The following C3orf49 variants were observed in gnomAD, a reference collection of about 807,000 sequenced individuals.
C3orf49 encodes the protein putative uncharacterized protein C3orf49.
C3orf49 carries 27 observed loss-of-function variants against 13.3 expected under a neutral mutation model. The ratio of observed to expected loss-of-function variants is 2.02; its 90% CI spans 1.49 to 2.79. The LOEUF is 2.79. C3orf49 is among the 30% of genes most tolerant of loss of function. C3orf49 has a pLI of 0.00. For synonymous variants in C3orf49, 87 were observed against 47.6 expected (o/e 1.83, Z -3.40); for missense variants, 242 against 134.2 (o/e 1.80, Z -3.97).
chr3:63,839,784 G>A (rs2107126526), intron 5 of C3orf49: 1 of 1,608,434 alleles, frequency 6.2e-7, no homozygotes, highest in East Asian at 2.2e-5. Context: ...CTGCAGGAAA[G>A]AAGGGCAATG....
chr3:63,831,890 T>C, intron 5 of C3orf49, 46 bp downstream of exon 5: 3 of 683,896 alleles, frequency 4.4e-6, no homozygotes, highest in Non-Finnish European at 8.0e-6. Context: ...TTGTTCCTGA[T>C]TCTTTAAAAG....
chr3:63,787,647 C>T, the C3orf49 span, among the ~76,000 whole-genome samples: 1 of 152,110 alleles, frequency 6.6e-6, no homozygotes, highest in African/African-American at 2.4e-5. Flanking sequence ...GGGAAAGCCA[C>T]CGAAATGAAA....
intron 1 of C3orf49, 37 bp downstream of exon 1, chr3:63,819,633 G>T: frequency 1.4e-6 from 1 of 702,690 alleles, no homozygotes; most frequent in Non-Finnish European, 2.6e-6. Flanking sequence ...TCAAATGAGA[G>T]TCTTTGGGTT....
At chr3:63,782,884 A>T in the C3orf49 span, 1 of 152,234 alleles carries the variant, frequency 6.6e-6, no homozygotes, top group Non-Finnish European at 1.5e-5. Flanking sequence ...AAACAGACAC[A>T]TGCAAAGGAG....
intron 2 of C3orf49, chr3:63,827,101 T>C (rs924159167): frequency 6.6e-6 from 1 of 152,418 alleles, no homozygotes; most frequent in South Asian, 2.1e-4. Context: ...TATAAATACA[T>C]TTATGGAGTT....
At chr3:63,840,983 T>C (rs1324806527) in intron 5 of C3orf49, among the ~76,000 whole-genome samples, 3 of 152,224 alleles carry the variant, frequency 2.0e-5, no homozygotes, top group Non-Finnish European at 4.4e-5. Context: ...CATAAAGGGA[T>C]GTTCTTAGTG....
chr3:63,838,247 G>T, intron 5 of C3orf49: 1 of 916,162 alleles, frequency 1.1e-6, no homozygotes, highest in Non-Finnish European at 1.6e-6. Context: ...AACATTTACT[G>T]TATTCTTTCC....
chr3:63,842,814 C>T (rs1209528551), intron 5 of C3orf49, among the ~76,000 whole-genome samples: 2 of 152,140 alleles, frequency 1.3e-5, no homozygotes, highest in African/African-American at 4.8e-5. Flanking sequence ...TATCAGAATT[C>T]ACCACTGATC....
chr3:63,795,522 T>A, the C3orf49 span, among the ~76,000 whole-genome samples: 49 of 152,234 alleles, frequency 3.2e-4, no homozygotes, highest in Non-Finnish European at 4.4e-4. Context: ...GACAGCCCTA[T>A]ACTTCTGGGA....
the C3orf49 span, among the ~76,000 whole-genome samples, chr3:63,804,372 G>A: frequency 2.0e-5 from 3 of 152,132 alleles, no homozygotes; most frequent in Non-Finnish European, 4.4e-5. Context: ...AGACACTGCA[G>A]GCTCTGCCTT....
intron 4 of C3orf49, 101 bp from the exon 5 acceptor site, chr3:63,831,579 G>T (rs781483042): frequency 4.6e-6 from 3 of 651,602 alleles, no homozygotes; most frequent in African/African-American, 3.7e-5. Context: ...CAAAATGTCC[G>T]CCAGTTCCAG....
At chr3:63,829,736 G>A (rs1398389328) in intron 3 of C3orf49, among the ~76,000 whole-genome samples, 1 of 152,038 alleles carries the variant, frequency 6.6e-6, no homozygotes, top group Non-Finnish European at 1.5e-5. Context: ...TGGTAAGGGA[G>A]GATCTCTTGA....
the C3orf49 span, among the ~76,000 whole-genome samples, chr3:63,786,288 T>A: frequency 9.9e-5 from 15 of 152,246 alleles, no homozygotes; most frequent in East Asian, 1.7e-3. Flanking sequence ...ATTCAACCAA[T>A]TTCAAGTTTC....
intron 5 of C3orf49, among the ~76,000 whole-genome samples, chr3:63,836,916 G>GATTTACTTAAA (rs1701646459): frequency 1.3e-5 from 2 of 151,616 alleles, no homozygotes; most frequent in African/African-American, 4.8e-5. Context: ...TGAGTGGCAG[G>GATTTACTTAAA]ATTTACTTAA....
At chr3:63,828,687 C>T (rs1197181012) in intron 3 of C3orf49, among the ~76,000 whole-genome samples, 1 of 152,130 alleles carries the variant, frequency 6.6e-6, no homozygotes, top group Non-Finnish European at 1.5e-5. Context: ...AGATACAAGA[C>T]TTACCTTAAA....
chr3:63,840,718 T>C (rs114299552), intron 5 of C3orf49, among the ~76,000 whole-genome samples: 3,596 of 152,328 alleles, frequency 0.024, 77 homozygotes, highest in African/African-American at 0.059. Context: ...TGCTGGATCG[T>C]AACAAGAGCA....
intron 3 of C3orf49, 147 bp from the exon 4 acceptor site, chr3:63,830,963 T>C (rs948914935): frequency 1.7e-5 from 10 of 599,324 alleles, no homozygotes; most frequent in African/African-American, 9.3e-5. Flanking sequence ...GAGAATAATA[T>C]GAATACAGTC....
chr3:63,823,497 C>A lies in C3orf49; in HGVS notation c.373C>A (p.Leu125Ile). Residue 125 changes from leucine to isoleucine, a missense_variant, in exon 2 of 7, where the codon CTC (leucine) becomes ATC (isoleucine). Physicochemically the swap from Leu to Ile is conservative, Grantham distance 5. Transcript: ENST00000295896. ...EALLSNTQSLLPRIVKEFSSP... is the reference protein window; with the variant it reads ...EALLSNTQSLIPRIVKEFSSP... ...CCTCCTGTCAAACACGCAGAGCCTT[C>A]TCCCTAGGATTGTCAAGGAGTTTTC... is the stretch of plus-strand genomic sequence containing the variant. 2 of 703,038 alleles carry A rather than the reference C, an allele frequency of 2.8e-6. No homozygotes were observed. Among genetic ancestry groups the A allele is most frequent in the Non-Finnish European group, 5.2e-6 (2 of 385,000 alleles). The allele number at this position is 703,038 out of a possible 1,614,324, so 43.5% of individuals were successfully genotyped here.
In C3orf49 at chr3:63,831,389, C is replaced by T. The variant is rs552966138; in HGVS notation, c.684+166C>T. 5.3e-5 allele frequency among the ~76,000 whole-genome samples: 8 copies of T among 152,190 alleles called. No individual in the cohort carries two copies. The East Asian group carries it at 1.4e-3, about 26-fold the overall frequency. ...ATTCTGAAAGTGGCTAAAGGATTGC[C>T]AAGGACACCTAGGATGATGCTGTGT... On this transcript the variant is annotated intron_variant, in intron 4 of 6. Coordinates refer to ENST00000295896, the MANE Select transcript of C3orf49 (RefSeq NM_001355236.2).
Sources: allele counts gnomAD v4.1 joint callset (sites outside exome capture counted in the v4.1 genomes callset), GRCh38; gene constraint gnomAD v4.1.1; transcripts MANE v1.5; gene names NCBI Gene and HGNC (gene_info 2026-07-23, HGNC 2026-07-21).